The following SEMA3C variants were observed in gnomAD, a reference collection of about 807,000 sequenced individuals.
SEMA3C encodes semaphorin 3C.
In SEMA3C, 47 loss-of-function variants were observed where a neutral mutation model predicts 89.4. The observed-to-expected ratio is 0.53, with a 90% confidence interval of 0.42 to 0.67. SEMA3C has a LOEUF of 0.67. Among genes scored for constraint, SEMA3C ranks in the 30% least tolerant of loss-of-function variants. The pLI, the probability that SEMA3C is intolerant of heterozygous loss-of-function variation, is 0.00. For missense variants in SEMA3C, 839 were observed against 929.1 expected (o/e 0.90, Z 1.26); for synonymous variants, 310 against 320.2 (o/e 0.97, Z 0.34).
chr7:80,768,327 C>T (rs1788349237), intron 12 of SEMA3C, among the ~76,000 whole-genome samples: 1 of 152,042 alleles, frequency 6.6e-6, no homozygotes, highest in South Asian at 2.1e-4. Context: ...TCCTGGCTAA[C>T]ACAGTGAAAC....
At chr7:80,921,067 A>G (rs938225044), upstream of SEMA3C, among the ~76,000 whole-genome samples, 2 of 152,206 alleles carry the variant, frequency 1.3e-5, no homozygotes, top group East Asian at 3.8e-4. Flanking sequence ...GCAAGATGAA[A>G]TGCATCTCAA....
At chr7:80,901,215 A>G (rs1222610586) in intron 2 of SEMA3C, among the ~76,000 whole-genome samples, 1 of 152,252 alleles carries the variant, frequency 6.6e-6, no homozygotes, top group Non-Finnish European at 1.5e-5. Context: ...GGTTTTATCA[A>G]CAATATTCTA....
At chr7:80,919,403 G>A (rs1792365210), upstream of SEMA3C, 1 of 983,522 alleles carries the variant, frequency 1.0e-6, no homozygotes, top group South Asian at 4.7e-5. Flanking sequence ...TGTTGCCGGC[G>A]GCTCTCGAAG....
chr7:80,816,266 T>C (rs1789605419), intron 5 of SEMA3C: 2 of 152,150 alleles, frequency 1.3e-5, no homozygotes, highest in Admixed American at 1.3e-4. Flanking sequence ...CAATGAAGGA[T>C]GGTAGGTAAT....
intron 2 of SEMA3C, among the ~76,000 whole-genome samples, chr7:80,909,262 G>C (rs1478789114): frequency 6.6e-6 from 1 of 152,058 alleles, no homozygotes; most frequent in African/African-American, 2.4e-5. Context: ...TTTTCTTTCT[G>C]CTGGATCAAC....
At chr7:80,769,731 C>T (rs1430294956) in intron 12 of SEMA3C, among the ~76,000 whole-genome samples, 3 of 151,706 alleles carry the variant, frequency 2.0e-5, no homozygotes, top group Non-Finnish European at 4.4e-5. Context: ...TGGGGGCAGG[C>T]GCCTGTAAAT....
Position 80,914,472 on chromosome 7 carries a change from T to C in SEMA3C, c.103+2207A>G, listed in dbSNP as rs1792224345. Among the ~76,000 whole-genome samples, 4 of 147,210 alleles carry C rather than the reference T, an allele frequency of 2.7e-5. No homozygotes were observed. In the South Asian group the frequency reaches 8.8e-4, roughly 32 times the overall value. On this transcript the variant is annotated intron_variant, in intron 2 of 17. Transcript: ENST00000265361. ...AATTTGTACATTTTGACAACTGTTT[T>C]CGCCTGATACTTTCCCTATAACTTG...
chr7:80,790,947 G>A (rs367847579), intron 11 of SEMA3C, among the ~76,000 whole-genome samples: 4 of 151,960 alleles, frequency 2.6e-5, no homozygotes, highest in African/African-American at 9.7e-5. Context: ...GTAGTTGAAT[G>A]AATGCATTAT....
intron 11 of SEMA3C, among the ~76,000 whole-genome samples, chr7:80,794,371 A>G (rs990895205): frequency 6.6e-6 from 1 of 152,042 alleles, no homozygotes; most frequent in Admixed American, 6.6e-5. Context: ...TTGAATAATG[A>G]TGTGAGACGA....
chr7:80,873,957 T>C (rs1791135370), intron 2 of SEMA3C, among the ~76,000 whole-genome samples: 1 of 152,056 alleles, frequency 6.6e-6, no homozygotes, highest in Non-Finnish European at 1.5e-5. Context: ...TGAAAGCTCT[T>C]CCTCCCTCTT....
At chr7:80,755,058 C>G (rs990101362) in intron 15 of SEMA3C, among the ~76,000 whole-genome samples, 3 of 150,340 alleles carry the variant, frequency 2.0e-5, no homozygotes, top group African/African-American at 7.4e-5. Flanking sequence ...CTTCGGCCTC[C>G]CAAAGTGCTG....
At chr7:80,879,775 A>G (rs1380325318) in intron 2 of SEMA3C, among the ~76,000 whole-genome samples, 4 of 152,234 alleles carry the variant, frequency 2.6e-5, no homozygotes, top group Non-Finnish European at 4.4e-5. Context: ...ACACCAACAT[A>G]GAATAAGCAT....
intron 4 of SEMA3C, among the ~76,000 whole-genome samples, chr7:80,826,514 G>GAACTGTTTCTGTCTTTGCA (rs1221967705): frequency 8.5e-5 from 13 of 152,208 alleles, no homozygotes; most frequent in Middle Eastern, 3.4e-3. Context: ...ACTGGAGTCA[G>GAACTGTTTCTGTCTTTGCA]AACTGTTTCT....
chr7:80,750,303 T>C (rs1222690480), intron 16 of SEMA3C, among the ~76,000 whole-genome samples: 2 of 151,194 alleles, frequency 1.3e-5, no homozygotes, highest in Non-Finnish European at 2.9e-5. Context: ...TAAAGCAGGA[T>C]TGTCAACAGG....
intron 16 of SEMA3C, among the ~76,000 whole-genome samples, chr7:80,750,360 AAGATGG>A (rs1787895983): frequency 6.7e-6 from 1 of 149,856 alleles, no homozygotes; most frequent in South Asian, 2.1e-4. Flanking sequence ...CTATATCCAA[AAGATGG>A]AAGCAAACCA....
upstream of SEMA3C, chr7:80,919,366 A>G: frequency 6.1e-6 from 6 of 985,308 alleles, 1 homozygote; most frequent in Non-Finnish European, 7.2e-6. Flanking sequence ...CGGAGTGAGC[A>G]ACTTGCTGGG....
At chr7:80,751,746 T>G (rs1787941330) in intron 15 of SEMA3C, among the ~76,000 whole-genome samples, 1 of 152,204 alleles carries the variant, frequency 6.6e-6, no homozygotes, top group South Asian at 2.1e-4. Context: ...TTGTCTTAAA[T>G]AAACATACTT....
intron 12 of SEMA3C, among the ~76,000 whole-genome samples, chr7:80,781,973 C>G (rs1788701151): frequency 6.6e-6 from 1 of 151,842 alleles, no homozygotes; most frequent in Non-Finnish European, 1.5e-5. Context: ...CAAATATATG[C>G]AGAATCCATT....
At chr7:80,805,399 T>G (rs1789314701) in intron 7 of SEMA3C, among the ~76,000 whole-genome samples, 1 of 152,100 alleles carries the variant, frequency 6.6e-6, no homozygotes, top group Admixed American at 6.5e-5. Flanking sequence ...CTTTTATTTA[T>G]TCATATTCAT....
Sources: gnomAD v4.1 joint callset for allele counts (sites outside exome capture counted in the v4.1 genomes callset) on GRCh38, gnomAD v4.1.1 for gene constraint, MANE v1.5 for transcripts, NCBI Gene and HGNC (gene_info 2026-07-23, HGNC 2026-07-21) for gene names.